The following FOSL2 variants were observed in gnomAD, a reference collection of about 807,000 sequenced individuals.
FOSL2 encodes the protein FOS like 2, AP-1 transcription factor subunit.
A neutral mutation model predicts 27.7 loss-of-function variants in FOSL2; 3 were observed. The ratio of observed to expected loss-of-function variants is 0.11; its 90% CI spans 0.05 to 0.28. FOSL2 has a LOEUF of 0.28. Among genes scored for constraint, FOSL2 ranks in the 10% least tolerant of loss-of-function variants. The pLI, the probability that FOSL2 is intolerant of heterozygous loss-of-function variation, is 1.00. For synonymous variants in FOSL2, 179 were observed against 190.1 expected, an observed-to-expected ratio of 0.94 and a Z score of 0.48; for missense variants, 333 against 445.1, an observed-to-expected ratio of 0.75 and a Z score of 2.27.
chr2:28,403,502 C>T (rs532228211), intron 1 of FOSL2, among the ~76,000 whole-genome samples: 14 of 152,248 alleles, frequency 9.2e-5, no homozygotes, highest in African/African-American at 3.1e-4. Context: ...CTGCAAATGC[C>T]GCTACTTGTT....
chr2:28,395,855 T>G (rs1663822484), intron 1 of FOSL2: 1 of 152,164 alleles, frequency 6.6e-6, no homozygotes, highest in African/African-American at 2.4e-5. Context: ...GAGGAGGAAC[T>G]GGTGGATTTT....
Position 28,415,658 on chromosome 2 carries a change from C to T in FOSL2, c.*3210C>T, listed in dbSNP as rs1488047702. On this transcript the variant is annotated 3_prime_UTR_variant, in exon 4 of 4. Transcript: ENST00000264716. ...AGGTCGATTTCCTTTCCTGATCAGA[C>T]ATCTTTGTGCCCCCTTTAGGAAGGA... 1 of 152,214 alleles carries T rather than the reference C, an allele frequency of 6.6e-6. No individual in the cohort carries two copies. Among genetic ancestry groups the T allele is most frequent in the Non-Finnish European group, 1.5e-5 (1 of 68,048 alleles). 9.4% of individuals were successfully genotyped at this position (152,214 alleles called of 1,614,324 possible).
Position 28,413,141 on chromosome 2 carries a change from C to A in FOSL2, c.*693C>A. ...TGCCATCACTGGGAGGCTCAGAGGA[C>A]CCTTCCTGCCCACCTTCGGAGACGG... On this transcript the variant is annotated 3_prime_UTR_variant, in exon 4 of 4. Transcript: ENST00000264716. 1 of 199,590 alleles carries A rather than the reference C, an allele frequency of 5.0e-6. No individual in the cohort carries two copies. Among genetic ancestry groups the A allele is most frequent in the Non-Finnish European group, 1.0e-5 (1 of 99,732 alleles). 12.4% of individuals were successfully genotyped at this position (199,590 alleles called of 1,614,324 possible).
At position 28,404,722 on chromosome 2, in the gene FOSL2, A is replaced by G. The variant is rs909413505; in HGVS notation, c.354+364A>G. ...AAAAGGGCCATGGGACAAGCAGCCA[A>G]TGAACCCTGGCTGTGAGCTTTTTAG... On this transcript the variant is annotated intron_variant, in intron 2 of 3. Coordinates refer to ENST00000264716, the MANE Select transcript of FOSL2 (RefSeq NM_005253.4). This position sits in a 1 kb window ranked among gnomAD's most constrained non-coding sequence, Gnocchi z 4.7. Among the ~76,000 whole-genome samples the G allele has an allele frequency of 6.6e-6, 1 of 152,192 alleles. No individual in the cohort carries two copies. The highest frequency in any genetic ancestry group is 2.4e-5 in the African/African-American group (1 of 41,440).
rs1374335478 is a variant in FOSL2, at chr2:28,413,791, G to C, written c.*1343G>C. The C allele has an allele frequency of 2.5e-6, 1 of 398,886 alleles. No homozygotes were observed. Among genetic ancestry groups the C allele is most frequent in the South Asian group, 1.3e-4 (1 of 7,860 alleles). The allele number at this position is 398,886 out of a possible 1,614,324, so 24.7% of individuals were successfully genotyped here. A position where few individuals can be genotyped will look rare whatever the true frequency, so the allele number is the denominator to read the frequency against. The stretch of plus-strand genomic sequence containing the variant: ...CTGGCCCAGGCAGCAAGCAAGCTGT[G>C]AACAGCTGGCCTGAGCTGTCGCTGT... On this transcript the variant is annotated 3_prime_UTR_variant, in exon 4 of 4. Transcript: ENST00000264716.
Position 28,412,297 on chromosome 2 carries a change from C to A in FOSL2, c.830C>A (p.Thr277Asn), listed in dbSNP as rs746558059. The A allele has an allele frequency of 1.9e-5, 30 of 1,614,108 alleles. No homozygotes were observed. The highest frequency in any genetic ancestry group is 2.5e-5 in the Non-Finnish European group (30 of 1,180,016). Residue 277 changes from threonine to asparagine, a missense_variant, in exon 4 of 4, where the codon ACC (threonine) becomes AAC (asparagine). By Grantham distance (65) the Thr-to-Asn change is moderately conservative. This residue lies in a region of FOSL2 where 136 missense variants were observed against 123.7 expected (regional missense o/e 1.10). Transcript: ENST00000264716. This position sits in a 1 kb window ranked among gnomAD's most constrained non-coding sequence, Gnocchi z 7.1. ...TCCACACCTGCTGTCACTCCGGGCA[C>A]CTCGAACCTCGTCTTCACCTATCCT... Reference protein sequence around the residue: ...VTSTPAVTPGTSNLVFTYPSV... With the variant: ...VTSTPAVTPGNSNLVFTYPSV...
intron 3 of FOSL2, among the ~76,000 whole-genome samples, chr2:28,410,745 G>A (rs576509133): frequency 9.8e-5 from 15 of 152,328 alleles, no homozygotes; most frequent in Admixed American, 3.9e-4. Context: ...GGGTGACCCT[G>A]GCATCCTCAC....
rs570465504 is a variant in FOSL2 at position 28,404,468 on chromosome 2, A to G, written c.354+110A>G. The G allele has an allele frequency of 2.9e-6, 4 of 1,364,022 alleles. No individual in the cohort carries two copies. Among genetic ancestry groups the G allele is most frequent in the Admixed American group, 2.3e-5 (1 of 44,104 alleles). 84.5% of individuals were successfully genotyped at this position (1,364,022 alleles called of 1,614,324 possible). Reference sequence around the variant, plus strand: ...GGTTAATGTTCTGAGAGCAGGGGAGACAAGGGAGCTAGGGGTCGAAGAGCA... The same window carrying G: ...GGTTAATGTTCTGAGAGCAGGGGAGGCAAGGGAGCTAGGGGTCGAAGAGCA... On this transcript the variant is annotated intron_variant, in intron 2 of 3. Transcript: ENST00000264716. The surrounding 1 kb of genome is among the most constrained non-coding windows in gnomAD (Gnocchi z 4.7).
chr2:28,396,749 A>G (rs917365662), intron 1 of FOSL2: 1 of 148,368 alleles, frequency 6.7e-6, no homozygotes. Context: ...GTTAAGGAAT[A>G]CCAGACTAGC....
chr2:28,407,292 G>C (rs1264692930), intron 2 of FOSL2, among the ~76,000 whole-genome samples: 2 of 152,214 alleles, frequency 1.3e-5, no homozygotes, highest in African/African-American at 4.8e-5. Context: ...AATTCTGCTG[G>C]GCTCAAGACA....
chr2:28,396,815 C>CACACACACACACACACACACACACAA (rs1663852884), intron 1 of FOSL2: 10 of 151,740 alleles, frequency 6.6e-5, no homozygotes, highest in African/African-American at 2.4e-4. Flanking sequence ...CACACACACA[C>CACACACACACACACACACACACACAA]ACACACACAC....
Position 28,414,797 on chromosome 2 carries a change from T to C in FOSL2, c.*2349T>C, listed in dbSNP as rs1264882891. The C allele has an allele frequency of 6.6e-6, 1 of 152,154 alleles. No homozygotes were observed. Among genetic ancestry groups the C allele is most frequent in the Non-Finnish European group, 1.5e-5 (1 of 68,030 alleles). 9.4% of individuals were successfully genotyped at this position (152,154 alleles called of 1,614,324 possible). On this transcript the variant is annotated 3_prime_UTR_variant, in exon 4 of 4. Transcript: ENST00000264716. Reference sequence around the variant, plus strand: ...GCTTCAGTTCAGATTTCAAGCTGTGTTGGTGTTGGGACCAGCAGAAGGCAA... The same window carrying C: ...GCTTCAGTTCAGATTTCAAGCTGTGCTGGTGTTGGGACCAGCAGAAGGCAA...
At position 28,394,144 on chromosome 2, in the gene FOSL2, C is replaced by A. The variant is rs34941562; in HGVS notation, c.102+322C>A. ...TCCCCCTCCCCAGTGTCTGCCCCCC[C>A]CCCCCCACCCCTGCCCCGCGTCTTC... On this transcript the variant is annotated intron_variant, in intron 1 of 3. Coordinates refer to ENST00000264716, the MANE Select transcript of FOSL2 (RefSeq NM_005253.4). 3.8e-3 allele frequency among the ~76,000 whole-genome samples: 474 copies of A among 123,680 alleles called. 19 individuals carry two copies. The highest frequency in any genetic ancestry group is 0.017 in the African/African-American group (454 of 27,472). 81.1% of individuals were successfully genotyped at this position (123,680 alleles called of 152,430 possible).
At position 28,392,943 on chromosome 2, in the gene FOSL2, A is replaced by G; in HGVS notation, c.-778A>G. 1 of 699,850 alleles carries G rather than the reference A, an allele frequency of 1.4e-6. No homozygotes were observed. The highest frequency in any genetic ancestry group is 2.7e-6 in the Non-Finnish European group (1 of 377,232). The allele number at this position is 699,850 out of a possible 1,614,324, so 43.4% of individuals were successfully genotyped here. A position where few individuals can be genotyped will look rare whatever the true frequency, so the allele number is the denominator to read the frequency against. ...AGCGGCGCTCGGCGGGGACAGAAAG[A>G]GGGAGAGAGAGAGAGAGAGAGAGGG... On this transcript the variant is annotated 5_prime_UTR_variant, in exon 1 of 4. Transcript: ENST00000264716.
intron 1 of FOSL2, among the ~76,000 whole-genome samples, chr2:28,394,891 C>T (rs1663778744): frequency 6.6e-6 from 1 of 152,184 alleles, no homozygotes; most frequent in Admixed American, 6.5e-5. Flanking sequence ...GCTCATGCTC[C>T]ATAAGGCGGT....
At position 28,393,761 on chromosome 2, in the gene FOSL2, G is replaced by C; in HGVS notation, c.41G>C (p.Arg14Pro). 5 of 1,609,988 alleles carry C rather than the reference G, an allele frequency of 3.1e-6. No homozygotes were observed. The highest frequency in any genetic ancestry group is 4.2e-6 in the Non-Finnish European group (5 of 1,178,548). Reference sequence around the variant, plus strand: ...CCCGGGAACTTTGACACCTCGTCCCGGGGCAGCAGCGGCTCTCCTGCGCAC... The same window carrying C: ...CCCGGGAACTTTGACACCTCGTCCCCGGGCAGCAGCGGCTCTCCTGCGCAC... Reference protein sequence around the residue: ...DYPGNFDTSSRGSSGSPAHAE... With the variant: ...DYPGNFDTSSPGSSGSPAHAE... Residue 14 changes from arginine (R) to proline (P), a missense_variant, in exon 1 of 4, where the codon CGG becomes CCG. By Grantham distance (103) the Arg-to-Pro change is moderately radical. Coordinates refer to ENST00000264716, the MANE Select transcript of FOSL2 (RefSeq NM_005253.4). The surrounding 1 kb of genome is among the most constrained non-coding windows in gnomAD (Gnocchi z 4.6).
chr2:28,393,972 C>T lies in FOSL2; in HGVS notation c.102+150C>T. The T allele has an allele frequency of 3.2e-6, 2 of 615,724 alleles. No individual in the cohort carries two copies. The highest frequency in any genetic ancestry group is 2.0e-5 in the South Asian group (1 of 49,166). 38.1% of individuals were successfully genotyped at this position (615,724 alleles called of 1,614,324 possible). On this transcript the variant is annotated intron_variant, in intron 1 of 3. Coordinates refer to ENST00000264716, the MANE Select transcript of FOSL2 (RefSeq NM_005253.4). The surrounding 1 kb of genome is among the most constrained non-coding windows in gnomAD (Gnocchi z 4.6). Reference sequence around the variant, plus strand: ...GTTCTGGATTTTCGTCCTCCCCTTCCCCCCCACCCCCTTTTAAACTAGGGG... The same window carrying T: ...GTTCTGGATTTTCGTCCTCCCCTTCTCCCCCACCCCCTTTTAAACTAGGGG...
rs1184497694 is a variant in FOSL2 at position 28,393,468 on chromosome 2, G to C, written c.-253G>C. The stretch of plus-strand genomic sequence containing the variant: ...CGCCGACTTTTTAGAGGGAGGGATC[G>C]GGTGGACAACTGGTCCCGCGGCGCT... On this transcript the variant is annotated 5_prime_UTR_variant, in exon 1 of 4. Transcript: ENST00000264716. This position sits in a 1 kb window ranked among gnomAD's most constrained non-coding sequence, Gnocchi z 4.6. 2 of 455,830 alleles carry C rather than the reference G, an allele frequency of 4.4e-6. No individual in the cohort carries two copies. Among genetic ancestry groups the C allele is most frequent in the South Asian group, 2.8e-5 (1 of 36,060 alleles). The allele number at this position is 455,830 out of a possible 1,614,324, so 28.2% of individuals were successfully genotyped here. A position where few individuals can be genotyped will look rare whatever the true frequency, so the allele number is the denominator to read the frequency against.
rs546263411 is a variant in FOSL2 at position 28,405,530 on chromosome 2, T to A, written c.354+1172T>A. Among the ~76,000 whole-genome samples, 9 of 152,324 alleles carry A rather than the reference T, an allele frequency of 5.9e-5. No homozygotes were observed. In the Middle Eastern group the frequency reaches 0.01, roughly 173 times the overall value. ...GATCCCCAGGGCCACAATGTTCCAA[T>A]ATACGGACCTTTCAAACATGGTTCC... is the stretch of plus-strand genomic sequence containing the variant. On this transcript the variant is annotated intron_variant, in intron 2 of 3. Transcript: ENST00000264716.
Sources: allele counts gnomAD v4.1 joint callset (sites outside exome capture counted in the v4.1 genomes callset), GRCh38; gene constraint gnomAD v4.1.1; regional missense constraint gnomAD v4.1.1; non-coding constraint Gnocchi (gnomAD v3.1); transcripts MANE v1.5; gene names NCBI Gene and HGNC (gene_info 2026-07-23, HGNC 2026-07-21).